Variants in ADGRB3 observed in about 807,000 individuals in gnomAD.
The protein encoded by ADGRB3 is brain-specific angiogenesis inhibitor 3.
In ADGRB3, 37 loss-of-function variants were observed where a neutral mutation model predicts 193.4. That is an observed-to-expected ratio of 0.19 (90% CI 0.15 to 0.25). ADGRB3 has a LOEUF of 0.25. Ranked by LOEUF, ADGRB3 falls within the 10% of genes least tolerant of loss-of-function variation. The pLI is 1.00. For missense variants in ADGRB3, 1,637 were observed against 1,852.9 expected, an observed-to-expected ratio of 0.88 and a Z score of 2.14; for synonymous variants, 690 against 644.2, an observed-to-expected ratio of 1.07 and a Z score of -1.08.
chr6:68,862,524 A>G lies in ADGRB3; in HGVS notation c.758-68035A>G, dbSNP rs1765186856. 2.0e-5 allele frequency among the ~76,000 whole-genome samples: 3 copies of G among 152,208 alleles called. No individual in the cohort carries two copies. The South Asian group carries it at 6.2e-4, about 31-fold the overall frequency. On this transcript the variant is annotated intron_variant, in intron 3 of 31. Coordinates refer to ENST00000370598, the MANE Select transcript of ADGRB3 (RefSeq NM_001704.3). ...ATAGTGATTTTGTGAAGAAGGTACTATATTTTACAGAGTTGGGGTCAGGGG... is the reference window on the plus strand; with the variant it reads ...ATAGTGATTTTGTGAAGAAGGTACTGTATTTTACAGAGTTGGGGTCAGGGG...
intron 11 of ADGRB3, among the ~76,000 whole-genome samples, chr6:68,995,516 A>G (rs900355631): frequency 3.9e-5 from 6 of 152,210 alleles, no homozygotes; most frequent in African/African-American, 1.2e-4. Context: ...GAAAAATTCC[A>G]TTAACCAGTT....
intron 15 of ADGRB3, among the ~76,000 whole-genome samples, chr6:69,054,099 A>T (rs1317191461): frequency 1.3e-5 from 2 of 152,214 alleles, no homozygotes; most frequent in South Asian, 2.1e-4. Context: ...AAAAGAACTA[A>T]TAAAATTATA....
At chr6:69,150,303 C>T (rs1488501546) in intron 17 of ADGRB3, among the ~76,000 whole-genome samples, 1 of 152,164 alleles carries the variant, frequency 6.6e-6, no homozygotes, top group African/African-American at 2.4e-5. Flanking sequence ...TGTAGCTGAG[C>T]TGCCATGCAA....
intron 20 of ADGRB3, among the ~76,000 whole-genome samples, chr6:69,313,117 T>C (rs1485410673): frequency 6.6e-6 from 1 of 151,900 alleles, no homozygotes; most frequent in African/African-American, 2.4e-5. Flanking sequence ...CATGACTGTC[T>C]GAATTGCTTA....
Position 69,360,948 on chromosome 6 carries a change from A to G in ADGRB3, c.3675A>G (p.Glu1225=). The change falls in exon 29 of 32, where the codon GAA becomes GAG. Residue 1225 remains glutamate (E), a synonymous_variant. Transcript: ENST00000370598. ...TLSRISLNDD[E]EEKGTNPEGL... ...CTAGGATTTCTCTAAATGATGATGA[A>G]GAAGAAAAGGGAACAAACCCTGAAG... The G allele has an allele frequency of 6.2e-7, 1 of 1,612,564 alleles. No individual in the cohort carries two copies. The highest frequency in any genetic ancestry group is 8.5e-7 in the Non-Finnish European group (1 of 1,179,038).
At chr6:69,054,163 G>A (rs1184810979) in intron 15 of ADGRB3, among the ~76,000 whole-genome samples, 2 of 152,066 alleles carry the variant, frequency 1.3e-5, no homozygotes, top group East Asian at 3.9e-4. Flanking sequence ...GAAAACTAAA[G>A]TGTCTTCATA....
chr6:69,292,268 T>C (rs920150328), intron 20 of ADGRB3, among the ~76,000 whole-genome samples: 1 of 152,186 alleles, frequency 6.6e-6, no homozygotes, highest in Non-Finnish European at 1.5e-5. Context: ...TTTTTTTTCT[T>C]CTGCACAAAC....
chr6:68,793,172 G>A (rs556962), intron 3 of ADGRB3, among the ~76,000 whole-genome samples: 1,552 of 152,132 alleles, frequency 0.01, 25 homozygotes, highest in African/African-American at 0.036. Context: ...GCACAAGTTC[G>A]TGTACATGTC....
At chr6:68,937,983 C>A (rs903944087) in intron 5 of ADGRB3, among the ~76,000 whole-genome samples, 3 of 151,802 alleles carry the variant, frequency 2.0e-5, no homozygotes, top group African/African-American at 4.8e-5. Context: ...GAGTGGTGGG[C>A]AGAAGGTGGA....
At position 69,388,836 on chromosome 6, in the gene ADGRB3, A is replaced by G. The variant is rs1377094767; in HGVS notation, c.4514A>G (p.Lys1505Arg). ...ALELRPAEWE[K>R]CLNLPLDVQE... ...GAACTGAGGCCAGCAGAGTGGGAGAAGTGTCTGAATTTGCCTCTGGATGTG... is the reference window on the plus strand; with the variant it reads ...GAACTGAGGCCAGCAGAGTGGGAGAGGTGTCTGAATTTGCCTCTGGATGTG... The change falls in exon 32 of 32, where the codon AAG becomes AGG. Residue 1505 changes from lysine to arginine, a missense_variant. Lys to Arg is a conservative substitution (Grantham distance 26). Around this residue, in one of 7 missense-constraint regions of ADGRB3, gnomAD observed 368 missense variants for 367.4 expected, o/e 1.00. Coordinates refer to ENST00000370598, the MANE Select transcript of ADGRB3 (RefSeq NM_001704.3). The G allele has an allele frequency of 1.9e-6, 3 of 1,613,366 alleles. No individual in the cohort carries two copies. The highest frequency in any genetic ancestry group is 2.2e-5 in the East Asian group (1 of 44,860).
chr6:68,772,952 AAAAATAAAAAT>A (rs2127357379), intron 3 of ADGRB3, among the ~76,000 whole-genome samples: 1 of 137,216 alleles, frequency 7.3e-6, no homozygotes, highest in African/African-American at 2.8e-5. Context: ...CACAAAAATA[AAAAATAAAAAT>A]AAAATAGACA....
intron 20 of ADGRB3, among the ~76,000 whole-genome samples, chr6:69,297,788 A>G (rs532850530): frequency 6.6e-6 from 1 of 152,056 alleles, no homozygotes; most frequent in Non-Finnish European, 1.5e-5. Flanking sequence ...ATTATGATAC[A>G]TGTTTTATAT....
intron 6 of ADGRB3, among the ~76,000 whole-genome samples, chr6:68,953,217 C>T (rs1179079922): frequency 3.3e-5 from 5 of 152,052 alleles, no homozygotes; most frequent in Admixed American, 2.0e-4. Flanking sequence ...ATAACTATTG[C>T]ATTCATAATA....
intron 3 of ADGRB3, among the ~76,000 whole-genome samples, chr6:68,808,825 T>C (rs1767457570): frequency 6.6e-6 from 1 of 152,054 alleles, no homozygotes; most frequent in African/African-American, 2.4e-5. Context: ...AACCAGCTGT[T>C]ATCAGAAAAG....
intron 17 of ADGRB3, among the ~76,000 whole-genome samples, chr6:69,126,603 C>T (rs1417841579): frequency 6.6e-6 from 1 of 152,182 alleles, no homozygotes; most frequent in Non-Finnish European, 1.5e-5. Flanking sequence ...TCTGGGTGCT[C>T]AGCTTATTAG....
intron 17 of ADGRB3, among the ~76,000 whole-genome samples, chr6:69,151,778 G>T (rs531795232): frequency 6.6e-6 from 1 of 152,288 alleles, no homozygotes; most frequent in African/African-American, 2.4e-5. Flanking sequence ...CTCACAAGTT[G>T]ATATGGTTTG....
chr6:68,910,828 G>T (rs1333115939), intron 3 of ADGRB3, among the ~76,000 whole-genome samples: 1 of 152,192 alleles, frequency 6.6e-6, no homozygotes, highest in East Asian at 1.9e-4. Flanking sequence ...ATAGTTTGAA[G>T]TCAAGTAGCG....
At chr6:68,812,244 T>C (rs1481670299) in intron 3 of ADGRB3, among the ~76,000 whole-genome samples, 1 of 152,210 alleles carries the variant, frequency 6.6e-6, no homozygotes, top group Non-Finnish European at 1.5e-5. Context: ...CTAAGATAGT[T>C]TGAAATTTAT....
chr6:69,282,133 A>C (rs1209774074), intron 20 of ADGRB3, among the ~76,000 whole-genome samples: 3 of 151,990 alleles, frequency 2.0e-5, no homozygotes, highest in South Asian at 4.2e-4. Context: ...TCCACATCCC[A>C]CTCTGTTTTC....
Sources: gnomAD v4.1 joint callset for allele counts (sites outside exome capture counted in the v4.1 genomes callset) on GRCh38, gnomAD v4.1.1 for gene constraint, gnomAD v4.1.1 regional missense constraint, MANE v1.5 for transcripts, NCBI Gene and HGNC (gene_info 2026-07-23, HGNC 2026-07-21) for gene names.